The following PHLPP1 variants were observed in gnomAD, a reference collection of about 807,000 sequenced individuals.
PHLPP1 encodes PH domain leucine-rich repeat-containing protein phosphatase 1.
A neutral mutation model predicts 117.2 loss-of-function variants in PHLPP1; 42 were observed. That is an observed-to-expected ratio of 0.36 (90% CI 0.28 to 0.46). PHLPP1 has a LOEUF of 0.46. PHLPP1 is among the 20% of genes least tolerant of loss of function. The pLI is 1.00. For synonymous variants in PHLPP1, 1,042 were observed against 970.7 expected (o/e 1.07, Z -1.37); for missense variants, 2,084 against 2,241.9 (o/e 0.93, Z 1.42).
intron 3 of PHLPP1, among the ~76,000 whole-genome samples, chr18:62,844,082 C>T (rs1915116966): frequency 6.6e-6 from 1 of 152,126 alleles, no homozygotes; most frequent in South Asian, 2.1e-4. Flanking sequence ...CGTGGTGGCT[C>T]ACACCTGTAA....
intron 4 of PHLPP1, among the ~76,000 whole-genome samples, chr18:62,863,233 C>T (rs1915677334): frequency 6.6e-6 from 1 of 151,334 alleles, no homozygotes; most frequent in Non-Finnish European, 1.5e-5. Flanking sequence ...TTTTTTTAGA[C>T]ACTGTTTTGC....
At chr18:62,855,233 C>T (rs976399162) in intron 3 of PHLPP1, among the ~76,000 whole-genome samples, 3 of 152,136 alleles carry the variant, frequency 2.0e-5, no homozygotes, top group African/African-American at 7.2e-5. Flanking sequence ...AGCCTACTTG[C>T]TCTGAGGTGT....
intron 10 of PHLPP1, among the ~76,000 whole-genome samples, chr18:62,923,061 T>A (rs1039862931): frequency 1.3e-5 from 2 of 152,204 alleles, no homozygotes; most frequent in African/African-American, 2.4e-5. Flanking sequence ...AGATGTGAAC[T>A]GAGCCAGTGG....
chr18:62,836,780 A>G (rs547394693), intron 2 of PHLPP1, among the ~76,000 whole-genome samples: 1 of 151,666 alleles, frequency 6.6e-6, no homozygotes, highest in South Asian at 2.1e-4. Context: ...ATGGCTATAT[A>G]GGGGCCAGGC....
chr18:62,845,682 GA>G (rs1915163561), intron 3 of PHLPP1, among the ~76,000 whole-genome samples: 1 of 152,226 alleles, frequency 6.6e-6, no homozygotes, highest in East Asian at 1.9e-4. Flanking sequence ...CTCTTAACTT[GA>G]AGTGTAGTTC....
rs751338165 is a variant in PHLPP1 at position 62,717,115 on chromosome 18, G to C, written c.1432G>C (p.Glu478Gln). Reference sequence around the variant, plus strand: ...CACCCTGTACGTGCAGCTCCACGGAGAGACCACCCGGCGCTTGGAGGCGGA... The same window carrying C: ...CACCCTGTACGTGCAGCTCCACGGACAGACCACCCGGCGCTTGGAGGCGGA... ...PPTLYVQLHG[E>Q]TTRRLEAEEK... Residue 478 changes from glutamate (E) to glutamine (Q), a missense_variant, in exon 1 of 17, where the codon GAG (glutamate) becomes CAG (glutamine). Glu to Gln is a conservative substitution (Grantham distance 29). This residue lies in a region of PHLPP1 where 1,365 missense variants were observed against 1,605.9 expected (regional missense o/e 0.85). Transcript: ENST00000262719. The C allele has an allele frequency of 1.2e-5, 19 of 1,581,852 alleles. No individual in the cohort carries two copies. Among genetic ancestry groups the C allele is most frequent in the Non-Finnish European group, 1.6e-5 (19 of 1,164,768 alleles).
At chr18:62,955,334 G>A (rs1004708898) in intron 12 of PHLPP1, among the ~76,000 whole-genome samples, 2 of 152,162 alleles carry the variant, frequency 1.3e-5, no homozygotes, top group South Asian at 2.1e-4. Flanking sequence ...AAGGACACCT[G>A]GGAGCAGGCT....
chr18:62,851,649 C>T (rs1172785651), intron 3 of PHLPP1, among the ~76,000 whole-genome samples: 5 of 152,008 alleles, frequency 3.3e-5, no homozygotes, highest in Non-Finnish European at 7.4e-5. Flanking sequence ...CTAGTGGAGA[C>T]AGGGTTTCAT....
At chr18:62,892,815 G>C (rs1176829561) in intron 4 of PHLPP1, among the ~76,000 whole-genome samples, 3 of 150,144 alleles carry the variant, frequency 2.0e-5, no homozygotes, top group African/African-American at 4.9e-5. Flanking sequence ...GGCGGAGCTT[G>C]CAGTGAGCCG....
chr18:62,843,185 A>G (rs893144673), intron 3 of PHLPP1: 9 of 152,190 alleles, frequency 5.9e-5, no homozygotes, highest in East Asian at 1.9e-4. Context: ...GATAGTCTTT[A>G]CATCTTGATG....
At position 62,815,894 on chromosome 18, in the gene PHLPP1, C is replaced by T. The variant is rs200868522; in HGVS notation, c.1577-14141C>T. On this transcript the variant is annotated intron_variant, in intron 1 of 16. Transcript: ENST00000262719. The stretch of plus-strand genomic sequence containing the variant: ...AATGAATACATATTGTATTTATTTA[C>T]AGTGTCAGAATTATGACATACCTGT... Among the ~76,000 whole-genome samples the T allele has an allele frequency of 5.9e-5, 9 of 152,292 alleles. No homozygotes were observed. In the East Asian group the frequency reaches 1.7e-3, roughly 29 times the overall value.
chr18:62,867,356 C>T (rs1262953441), intron 4 of PHLPP1, among the ~76,000 whole-genome samples: 2 of 152,168 alleles, frequency 1.3e-5, no homozygotes, highest in Non-Finnish European at 2.9e-5. Flanking sequence ...CCATCTACCC[C>T]ACACCACATG....
At chr18:62,900,352 A>AAAT (rs1358434229) in intron 6 of PHLPP1, among the ~76,000 whole-genome samples, 1 of 147,542 alleles carries the variant, frequency 6.8e-6, no homozygotes, top group Non-Finnish European at 1.5e-5. Context: ...AATAAATAAA[A>AAAT]AGTTTGTCCT....
chr18:62,916,917 C>A (rs1034575927), intron 9 of PHLPP1, among the ~76,000 whole-genome samples: 18 of 150,800 alleles, frequency 1.2e-4, no homozygotes, highest in Admixed American at 8.6e-4. Context: ...CCATGCCCAG[C>A]TAATTTTTGT....
intron 8 of PHLPP1, among the ~76,000 whole-genome samples, chr18:62,911,063 T>TTTA: frequency 6.4e-5 from 1 of 15,676 alleles, no homozygotes; most frequent in East Asian, 7.5e-4. Context: ...GGATTCCCTA[T>TTTA]TTAATAAATG....
At chr18:62,928,307 C>A (rs575750638) in intron 10 of PHLPP1, among the ~76,000 whole-genome samples, 9 of 149,942 alleles carry the variant, frequency 6.0e-5, no homozygotes, top group South Asian at 2.1e-4. Context: ...AGAACTCTTA[C>A]AATTCACAAT....
In PHLPP1 at chr18:62,941,825, G is replaced by A; in HGVS notation, c.3068G>A (p.Ser1023Asn). The A allele has an allele frequency of 6.2e-7, 1 of 1,613,956 alleles. No individual in the cohort carries two copies. The highest frequency in any genetic ancestry group is 8.5e-7 in the Non-Finnish European group (1 of 1,179,814). The change falls in exon 11 of 17, where the codon AGC becomes AAC. Residue 1023 changes from serine to asparagine, a missense_variant. Physicochemically the swap from Ser to Asn is conservative, Grantham distance 46. Transcript: ENST00000262719. ...CAAGAGTTGTATTTGACAAATAACA[G>A]CCTCACAGACAAATGTGTGCCCTTG... ...ILQELYLTNN[S>N]LTDKCVPLLT...
intron 3 of PHLPP1, among the ~76,000 whole-genome samples, chr18:62,857,469 A>T (rs1343792991): frequency 1.3e-5 from 2 of 152,152 alleles, no homozygotes; most frequent in African/African-American, 4.8e-5. Context: ...CTTGGGTCCC[A>T]TGCTAGCACC....
chr18:62,813,413 T>TGAGGAAGAGAGATGGAGGAAGG (rs1914179745), intron 1 of PHLPP1, among the ~76,000 whole-genome samples: 1 of 152,154 alleles, frequency 6.6e-6, no homozygotes, highest in Non-Finnish European at 1.5e-5. Context: ...TAGTTCCTTT[T>TGAGGAAGAGAGATGGAGGAAGG]GAGGAAGAGA....
Sources: gnomAD v4.1 joint callset for allele counts (sites outside exome capture counted in the v4.1 genomes callset) on GRCh38, gnomAD v4.1.1 for gene constraint, gnomAD v4.1.1 regional missense constraint, MANE v1.5 for transcripts, NCBI Gene and HGNC (gene_info 2026-07-23, HGNC 2026-07-21) for gene names.